ADGRB3: variants seen among roughly 807,000 people sequenced by gnomAD.
ADGRB3 encodes adhesion G protein-coupled receptor B3, also known as brain-specific angiogenesis inhibitor 3.
ADGRB3 carries 37 observed loss-of-function variants against 193.4 expected under a neutral mutation model. The observed-to-expected ratio is 0.19, with a 90% CI of 0.15 to 0.25. The LOEUF is 0.25. Among genes scored for constraint, ADGRB3 ranks in the 10% least tolerant of loss-of-function variants. The probability of loss-of-function intolerance (pLI) is 1.00; values close to 1 mark genes in which losing one functional copy is unlikely to be tolerated. For missense variants in ADGRB3, 1,637 were observed against 1,852.9 expected, an observed-to-expected ratio of 0.88 and a Z score of 2.14; for synonymous variants, 690 against 644.2, an observed-to-expected ratio of 1.07 and a Z score of -1.08.
rs1239952872 is a variant in ADGRB3, at chr6:69,388,791, C to A, written c.4469C>A (p.Thr1490Lys). Reference protein sequence around the residue: ...PHYTTINVLDTEAKDALELRP... With the variant: ...PHYTTINVLDKEAKDALELRP... ...TACACCACAATCAATGTCTTAGACACAGAGGCAAAGGATGCTTTGGAACTG... is the reference window on the plus strand; with the variant it reads ...TACACCACAATCAATGTCTTAGACAAAGAGGCAAAGGATGCTTTGGAACTG... Residue 1490 changes from threonine to lysine, a missense_variant, in exon 32 of 32, where the codon ACA (threonine) becomes AAA (lysine). Coordinates refer to ENST00000370598, the MANE Select transcript of ADGRB3 (RefSeq NM_001704.3). 1 of 1,613,560 alleles carries A rather than the reference C, an allele frequency of 6.2e-7. No homozygotes were observed. Among genetic ancestry groups the A allele is most frequent in the Non-Finnish European group, 8.5e-7 (1 of 1,179,682 alleles).
At chr6:68,927,972 G>T (rs1287192837) in intron 3 of ADGRB3, among the ~76,000 whole-genome samples, 1 of 151,964 alleles carries the variant, frequency 6.6e-6, no homozygotes, top group Non-Finnish European at 1.5e-5. Flanking sequence ...CAAATATTGT[G>T]ACATGATAAA....
intron 3 of ADGRB3, among the ~76,000 whole-genome samples, chr6:68,673,164 A>T (rs1769008508): frequency 6.6e-6 from 1 of 152,104 alleles, no homozygotes; most frequent in African/African-American, 2.4e-5. Flanking sequence ...AAGGGTTCGA[A>T]TGGGTATAAA....
intron 13 of ADGRB3, among the ~76,000 whole-genome samples, chr6:69,027,664 C>T (rs954049313): frequency 5.3e-5 from 8 of 152,042 alleles, no homozygotes; most frequent in East Asian, 1.9e-4. Flanking sequence ...GACTATTTGG[C>T]GCTTGAGTGA....
chr6:69,113,209 A>G (rs866409431), intron 17 of ADGRB3, among the ~76,000 whole-genome samples: 4 of 152,190 alleles, frequency 2.6e-5, no homozygotes, highest in Non-Finnish European at 4.4e-5. Flanking sequence ...GACTATACAT[A>G]TGTATATGTA....
intron 17 of ADGRB3, among the ~76,000 whole-genome samples, chr6:69,121,688 C>T (rs1474067602): frequency 6.6e-6 from 1 of 151,436 alleles, no homozygotes; most frequent in African/African-American, 2.4e-5. Flanking sequence ...GCACTCCTCA[C>T]CTCCCAGATG....
intron 20 of ADGRB3, among the ~76,000 whole-genome samples, chr6:69,302,403 T>C (rs182371441): frequency 2.6e-5 from 4 of 152,018 alleles, no homozygotes; most frequent in Admixed American, 2.0e-4. Flanking sequence ...ATTGGTTTCA[T>C]TGGTGTTTTG....
intron 17 of ADGRB3, among the ~76,000 whole-genome samples, chr6:69,144,665 T>A (rs1299276015): frequency 6.6e-6 from 1 of 152,202 alleles, no homozygotes; most frequent in Admixed American, 6.5e-5. Context: ...ATTGAAATGA[T>A]CATATTATTT....
At position 68,916,191 on chromosome 6, in the gene ADGRB3, T is replaced by C. The variant is rs564861238; in HGVS notation, c.758-14368T>C. Among the ~76,000 whole-genome samples the C allele has an allele frequency of 2.0e-5, 3 of 152,134 alleles. No homozygotes were observed. In the South Asian group the frequency reaches 6.2e-4, roughly 32 times the overall value. On this transcript the variant is annotated intron_variant, in intron 3 of 31. Transcript: ENST00000370598. ...TGAATAAGTAAAAATAGAATAAACA[T>C]GAGCAGATTAAGAAAAACAGGACTA...
At chr6:69,357,794 C>T (rs1769366254) in intron 28 of ADGRB3, among the ~76,000 whole-genome samples, 1 of 151,934 alleles carries the variant, frequency 6.6e-6, no homozygotes, top group South Asian at 2.1e-4. Context: ...AAATCACTAT[C>T]TCCTGTTGAA....
At chr6:69,268,001 C>T (rs1477860336) in intron 20 of ADGRB3, among the ~76,000 whole-genome samples, 1 of 152,006 alleles carries the variant, frequency 6.6e-6, no homozygotes, top group Non-Finnish European at 1.5e-5. Context: ...CTAGTTTCTG[C>T]TTATAGGGCT....
At chr6:69,363,260 GA>G (rs1185414549) in intron 29 of ADGRB3, among the ~76,000 whole-genome samples, 1 of 151,930 alleles carries the variant, frequency 6.6e-6, no homozygotes, top group African/African-American at 2.4e-5. Flanking sequence ...CTTACATCTT[GA>G]AAAGGAAGGA....
intron 8 of ADGRB3, among the ~76,000 whole-genome samples, chr6:68,972,659 TA>T (rs1355183329): frequency 2.0e-5 from 3 of 147,056 alleles, no homozygotes; most frequent in African/African-American, 7.3e-5. Flanking sequence ...TCCATGCATG[TA>T]AAACTCTCCA....
chr6:69,103,123 A>G (rs1773111689), intron 17 of ADGRB3, among the ~76,000 whole-genome samples: 1 of 152,232 alleles, frequency 6.6e-6, no homozygotes, highest in Non-Finnish European at 1.5e-5. Flanking sequence ...AATCACAAAT[A>G]AAAATCTACT....
intron 3 of ADGRB3, among the ~76,000 whole-genome samples, chr6:68,888,501 A>G (rs1387345878): frequency 1.3e-5 from 2 of 150,958 alleles, no homozygotes; most frequent in African/African-American, 4.9e-5. Context: ...ATTTATGTTT[A>G]TTTATCACCA....
At chr6:69,031,020 T>C (rs13202285) in intron 13 of ADGRB3, among the ~76,000 whole-genome samples, 961 of 77,890 alleles carry the variant, frequency 0.012, 95 homozygotes, top group Non-Finnish European at 0.018. Context: ...CTTTTCTTTT[T>C]TTTTTCCTCT....
chr6:69,012,879 C>G (rs1006577166), intron 11 of ADGRB3, among the ~76,000 whole-genome samples: 3 of 152,026 alleles, frequency 2.0e-5, no homozygotes, highest in African/African-American at 7.2e-5. Flanking sequence ...ACTGATGAGA[C>G]TAACAAGTTA....
chr6:69,268,689 A>G (rs1561971955), intron 20 of ADGRB3, among the ~76,000 whole-genome samples: 1 of 152,164 alleles, frequency 6.6e-6, no homozygotes, highest in Non-Finnish European at 1.5e-5. Context: ...TTTCTGAGAA[A>G]TCAATCAATT....
chr6:69,299,243 G>T (rs1351478907), intron 20 of ADGRB3, among the ~76,000 whole-genome samples: 1 of 151,442 alleles, frequency 6.6e-6, no homozygotes, highest in Non-Finnish European at 1.5e-5. Flanking sequence ...TGTCTTTTGG[G>T]TTTTTTGTTT....
At chr6:68,714,490 T>G (rs1395934862) in intron 3 of ADGRB3, among the ~76,000 whole-genome samples, 2 of 151,730 alleles carry the variant, frequency 1.3e-5, no homozygotes, top group Non-Finnish European at 2.9e-5. Context: ...TGAAAAATAT[T>G]GAGGAGGTAG....
Sources: allele counts gnomAD v4.1 joint callset (sites outside exome capture counted in the v4.1 genomes callset), GRCh38; gene constraint gnomAD v4.1.1; transcripts MANE v1.5; gene names NCBI Gene and HGNC (gene_info 2026-07-23, HGNC 2026-07-21).